DNAH6: variants seen among roughly 807,000 people sequenced by gnomAD.
DNAH6 encodes dynein axonemal heavy chain 6.
DNAH6 carries 340 observed loss-of-function variants against 491.4 expected under a neutral mutation model. The ratio of observed to expected loss-of-function variants is 0.69; its 90% confidence interval spans 0.63 to 0.76. DNAH6 has a LOEUF of 0.76. Ranked by LOEUF, DNAH6 falls within the 30% of genes least tolerant of loss-of-function variation. DNAH6 has a pLI of 0.00. For missense variants in DNAH6, 4,443 were observed against 4,972.2 expected (o/e 0.89, Z 3.20); for synonymous variants, 1,603 against 1,686.1 (o/e 0.95, Z 1.21).
chr2:84,627,608 T>C (rs1399248955), intron 29 of DNAH6, among the ~76,000 whole-genome samples: 1 of 152,228 alleles, frequency 6.6e-6, no homozygotes, highest in East Asian at 1.9e-4. Context: ...CTCGGTATTA[T>C]GAAAATCTAC....
intron 18 of DNAH6, among the ~76,000 whole-genome samples, chr2:84,597,643 G>C (rs1295338967): frequency 1.3e-5 from 2 of 152,180 alleles, no homozygotes; most frequent in East Asian, 3.8e-4. Flanking sequence ...GTGTGTTCAC[G>C]CAGAAACTTC....
intron 14 of DNAH6, 58 bp downstream of exon 14, chr2:84,579,737 A>G (rs17025296): frequency 0.015 from 21,804 of 1,434,908 alleles, 348 homozygotes; most frequent in Middle Eastern, 0.068. Context: ...GAAGGAAGAC[A>G]TAGGACAAGA....
chr2:84,504,038 G>C, the DNAH6 span, among the ~76,000 whole-genome samples: 1 of 151,994 alleles, frequency 6.6e-6, no homozygotes, highest in East Asian at 1.9e-4. Context: ...ATAACTGTTA[G>C]AGTTGCCTTT....
rs1382498605 is a variant in DNAH6, at chr2:84,637,352, T to C, written c.4796T>C (p.Val1599Ala). Reference sequence around the variant, plus strand: ...CTGTTTAGACCATTTGCGATGATGGTTCCAAATTATGCCTTGATTGCAGAG... The same window carrying C: ...CTGTTTAGACCATTTGCGATGATGGCTCCAAATTATGCCTTGATTGCAGAG... The part of the protein sequence containing the change: ...KALFRPFAMM[V>A]PNYALIAEVI... Residue 1599 changes from valine to alanine, a missense_variant, in exon 31 of 77, where the codon GTT becomes GCT. Physicochemically the swap from Val to Ala is moderately conservative, Grantham distance 64. Around this residue, in one of 3 missense-constraint regions of DNAH6, gnomAD observed 2,977 missense variants for 3,296.6 expected, o/e 0.90. Coordinates refer to ENST00000389394, the MANE Select transcript of DNAH6 (RefSeq NM_001370.2). The C allele has an allele frequency of 1.3e-6, 2 of 1,547,730 alleles. No individual in the cohort carries two copies. Among genetic ancestry groups the C allele is most frequent in the African/African-American group, 2.7e-5 (2 of 72,946 alleles).
intron 11 of DNAH6, among the ~76,000 whole-genome samples, chr2:84,566,141 T>C (rs993053121): frequency 3.9e-5 from 6 of 151,922 alleles, no homozygotes; most frequent in African/African-American, 1.4e-4. Context: ...TAGGGAAATA[T>C]TTTTACTGGA....
At chr2:84,691,896 G>A (rs535914983) in intron 45 of DNAH6, among the ~76,000 whole-genome samples, 1 of 152,230 alleles carries the variant, frequency 6.6e-6, no homozygotes, top group East Asian at 1.9e-4. Context: ...GCTGACCCCG[G>A]TTTTAGACAA....
At chr2:84,487,964 T>C in the DNAH6 span, among the ~76,000 whole-genome samples, 6 of 152,170 alleles carry the variant, frequency 3.9e-5, no homozygotes, top group African/African-American at 7.2e-5. Flanking sequence ...TTTGTACATG[T>C]CAAAGCTGTC....
At chr2:84,694,228 C>CCTCTG in intron 45 of DNAH6, 21 bp from the exon 46 acceptor site, 1 of 1,546,792 alleles carries the variant, frequency 6.5e-7, no homozygotes, top group Non-Finnish European at 8.8e-7. Context: ...TGAAATAAAC[C>CCTCTG]CTCTGCTCTG....
At chr2:84,762,975 G>A in intron 64 of DNAH6, 30 bp downstream of exon 64, 2 of 1,500,242 alleles carry the variant, frequency 1.3e-6, no homozygotes, top group South Asian at 1.2e-5. Context: ...TTTTAATAAT[G>A]CAAATGCATA....
chr2:84,658,107 T>G (rs1484227864), intron 35 of DNAH6, among the ~76,000 whole-genome samples, 185 bp from the exon 36 acceptor site: 6 of 152,056 alleles, frequency 3.9e-5, no homozygotes, highest in Non-Finnish European at 7.4e-5. Flanking sequence ...ATTTCCCCCA[T>G]GTATCCCTTC....
At chr2:84,582,039 C>T (rs928349640) in intron 14 of DNAH6, among the ~76,000 whole-genome samples, 8 of 152,110 alleles carry the variant, frequency 5.3e-5, no homozygotes, top group Non-Finnish European at 7.3e-5. Context: ...GATATATACT[C>T]GCCCAAAATA....
chr2:84,591,988 T>C (rs775900579), intron 16 of DNAH6, among the ~76,000 whole-genome samples: 2 of 152,144 alleles, frequency 1.3e-5, no homozygotes, highest in Non-Finnish European at 2.9e-5. Flanking sequence ...ATAAAATTCC[T>C]AGAGGAAAAG....
intron 61 of DNAH6, among the ~76,000 whole-genome samples, chr2:84,729,063 G>T (rs1337709454): frequency 6.6e-6 from 1 of 152,052 alleles, no homozygotes; most frequent in Non-Finnish European, 1.5e-5. Flanking sequence ...GCCGAGACAA[G>T]ATCTCTCCAC....
Position 84,699,592 on chromosome 2 carries a change from AG to A in DNAH6, c.7678del. On this transcript the variant is annotated splice_acceptor_variant, in intron 47 of 76. Transcript: ENST00000389394. LOFTEE classifies it high-confidence loss of function. ...CTGAAAAAATAACTTTCTTTTTGTC[AG>A]GTGTTTCAATACTTTATCAGCAAAG... is the stretch of plus-strand genomic sequence containing the variant. 1 of 1,542,912 alleles carries A rather than the reference AG, an allele frequency of 6.5e-7. No homozygotes were observed.
intron 2 of DNAH6, among the ~76,000 whole-genome samples, chr2:84,520,253 A>C (rs1264142716): frequency 6.6e-6 from 1 of 152,132 alleles, no homozygotes; most frequent in Non-Finnish European, 1.5e-5. Flanking sequence ...CACATATTTT[A>C]CCTGGAAACC....
At chr2:84,606,669 AAGTTACCTAAT>A (rs983090592) in intron 20 of DNAH6, among the ~76,000 whole-genome samples, 2 of 152,188 alleles carry the variant, frequency 1.3e-5, no homozygotes, top group Non-Finnish European at 2.9e-5. Context: ...AAGAAGGTAA[AAGTTACCTAAT>A]AGTGAAGGGA....
chr2:84,462,004 C>A, the DNAH6 span, among the ~76,000 whole-genome samples: 2 of 152,228 alleles, frequency 1.3e-5, no homozygotes, highest in Non-Finnish European at 2.9e-5. Flanking sequence ...ACCCCAAAGT[C>A]ATCAAGCCAA....
chr2:84,463,103 T>C, the DNAH6 span, among the ~76,000 whole-genome samples: 11 of 152,000 alleles, frequency 7.2e-5, no homozygotes, highest in Non-Finnish European at 1.5e-4. Context: ...ATCCATGAAG[T>C]GCTCAGAAAG....
At chr2:84,570,786 C>G (rs948684410) in intron 11 of DNAH6, among the ~76,000 whole-genome samples, 1 of 152,190 alleles carries the variant, frequency 6.6e-6, no homozygotes, top group Non-Finnish European at 1.5e-5. Context: ...GGGTCCCCTT[C>G]CACGCTGTGG....
Sources: allele counts gnomAD v4.1 joint callset (sites outside exome capture counted in the v4.1 genomes callset), GRCh38; gene constraint gnomAD v4.1.1; regional missense constraint gnomAD v4.1.1; transcripts MANE v1.5; gene names NCBI Gene and HGNC (gene_info 2026-07-23, HGNC 2026-07-21).